SCAPER: variants seen among roughly 807,000 people sequenced by gnomAD.
The protein encoded by SCAPER is S phase cyclin A-associated protein in the endoplasmic reticulum.
A neutral mutation model predicts 182.2 loss-of-function variants in SCAPER; 98 were observed. The ratio of observed to expected loss-of-function variants is 0.54; its 90% CI spans 0.46 to 0.64. The LOEUF (loss-of-function observed/expected upper bound fraction) is 0.64. Among genes scored for constraint, SCAPER ranks in the 30% least tolerant of loss-of-function variants. SCAPER has a pLI of 0.00. For synonymous variants in SCAPER, 605 were observed against 564.6 expected (o/e 1.07, Z -1.01); for missense variants, 1,432 against 1,690.0 (o/e 0.85, Z 2.68).
chr15:76,805,481 T>C (rs952333581), intron 5 of SCAPER, among the ~76,000 whole-genome samples: 1 of 152,026 alleles, frequency 6.6e-6, no homozygotes, highest in African/African-American at 2.4e-5. Context: ...AGTGCTATCA[T>C]TGGGGGTTAT....
intron 22 of SCAPER, among the ~76,000 whole-genome samples, chr15:76,585,360 A>G (rs1266798670): frequency 6.6e-6 from 1 of 152,138 alleles, no homozygotes; most frequent in Non-Finnish European, 1.5e-5. Flanking sequence ...ATGGCAGCAT[A>G]CTTCTTTTAC....
chr15:76,845,899 G>C (rs752567918), intron 4 of SCAPER, among the ~76,000 whole-genome samples: 2 of 151,442 alleles, frequency 1.3e-5, no homozygotes, highest in African/African-American at 4.9e-5. Context: ...TATCCTACAC[G>C]AAAAGAACAA....
At chr15:76,824,332 C>A (rs1205899381) in intron 5 of SCAPER, among the ~76,000 whole-genome samples, 1 of 152,188 alleles carries the variant, frequency 6.6e-6, no homozygotes, top group Non-Finnish European at 1.5e-5. Context: ...TAGTTACTGG[C>A]GCACAGAGCA....
chr15:76,735,668 C>T (rs1278454033), intron 15 of SCAPER, among the ~76,000 whole-genome samples: 1 of 143,150 alleles, frequency 7.0e-6, no homozygotes, highest in Non-Finnish European at 1.5e-5. Context: ...TGCCACTGCA[C>T]TCCAGCCTAG....
intron 21 of SCAPER, among the ~76,000 whole-genome samples, chr15:76,652,629 T>A (rs893084521): frequency 2.0e-5 from 3 of 148,878 alleles, no homozygotes; most frequent in Non-Finnish European, 4.4e-5. Context: ...GAGAATCACT[T>A]AGAGCGGGGA....
chr15:76,775,040 T>C lies in SCAPER; in HGVS notation c.850A>G (p.Lys284Glu), dbSNP rs774524777. ...IRSRSTAVMPKVSLATEATRS... is the reference protein window; with the variant it reads ...IRSRSTAVMPEVSLATEATRS... ...GTGGCTTCTGTTGCCAATGAAACTT[T>C]TGGCATCACTGCTGTTGATCGAGAA... The change falls in exon 9 of 32, where the codon AAA becomes GAA. Residue 284 changes from lysine (K) to glutamate (E), a missense_variant. Around this residue, in one of 5 missense-constraint regions of SCAPER, gnomAD observed 480 missense variants for 510.2 expected, o/e 0.94. Coordinates refer to ENST00000563290, the MANE Select transcript of SCAPER (RefSeq NM_020843.4). The C allele has an allele frequency of 6.2e-7, 1 of 1,613,852 alleles. No homozygotes were observed. The highest frequency in any genetic ancestry group is 2.2e-5 in the East Asian group (1 of 44,874).
chr15:76,805,392 G>A (rs535106048), intron 5 of SCAPER, among the ~76,000 whole-genome samples: 5 of 152,202 alleles, frequency 3.3e-5, no homozygotes, highest in African/African-American at 1.2e-4. Flanking sequence ...CAATTTATGA[G>A]AGTTCCATAT....
chr15:76,456,988 T>C (rs1264004689), intron 25 of SCAPER, among the ~76,000 whole-genome samples: 1 of 152,208 alleles, frequency 6.6e-6, no homozygotes, highest in East Asian at 1.9e-4. Flanking sequence ...TAAATGCATC[T>C]CATGTAGATA....
chr15:76,653,611 G>T (rs2146582806), intron 21 of SCAPER, among the ~76,000 whole-genome samples: 1 of 152,260 alleles, frequency 6.6e-6, no homozygotes, highest in East Asian at 1.9e-4. Flanking sequence ...AATTGGAAAA[G>T]AATTCCCCAT....
chr15:76,396,657 T>C (rs1416521056), intron 27 of SCAPER, among the ~76,000 whole-genome samples: 1 of 152,216 alleles, frequency 6.6e-6, no homozygotes, highest in Non-Finnish European at 1.5e-5. Context: ...TTTCTGGACA[T>C]TGATTTTGTA....
At chr15:76,621,730 G>C in intron 22 of SCAPER, 34 bp downstream of exon 22, 1 of 1,542,240 alleles carries the variant, frequency 6.5e-7, no homozygotes. Flanking sequence ...GGCATAGACT[G>C]AAGAAAAGGA....
intron 23 of SCAPER, among the ~76,000 whole-genome samples, chr15:76,537,972 T>C (rs1033713403): frequency 6.6e-6 from 1 of 151,712 alleles, no homozygotes; most frequent in Non-Finnish European, 1.5e-5. Flanking sequence ...AAAATGCTCA[T>C]CATCACTGGC....
rs188399171 is a variant in SCAPER, at chr15:76,434,448, T to C, written c.3079-138A>G. 2.7e-4 allele frequency: 175 copies of C among 647,218 alleles called. No homozygotes were observed. The Middle Eastern group carries it at 3.4e-3, about 13-fold the overall frequency. The allele number at this position is 647,218 out of a possible 1,614,324, so 40.1% of individuals were successfully genotyped here. A position where few individuals can be genotyped will look rare whatever the true frequency, so the allele number is the denominator to read the frequency against. On this transcript the variant is annotated intron_variant, in intron 25 of 31. Transcript: ENST00000563290. ...AAGAGTGTTGGCTCTGAAATCAGAC[T>C]GCAAGTTCAAATCTGAGCTTTACCC...
At chr15:76,573,129 G>A (rs1046752535) in intron 23 of SCAPER, among the ~76,000 whole-genome samples, 5 of 152,080 alleles carry the variant, frequency 3.3e-5, no homozygotes, top group Admixed American at 2.0e-4. Context: ...AAAGGTCAAA[G>A]CCAAGTAACA....
intron 14 of SCAPER, among the ~76,000 whole-genome samples, chr15:76,759,529 G>A (rs1395069516): frequency 1.3e-5 from 2 of 152,082 alleles, no homozygotes; most frequent in African/African-American, 4.8e-5. Flanking sequence ...TCCTCCTAAA[G>A]AACCCACCTC....
intron 21 of SCAPER, among the ~76,000 whole-genome samples, chr15:76,643,597 G>A (rs371004330): frequency 6.5e-4 from 99 of 152,230 alleles, no homozygotes; most frequent in African/African-American, 2.2e-3. Context: ...CAGGAGAATC[G>A]CTTGAACTCG....
rs533879048 is a variant in SCAPER at position 76,350,297 on chromosome 15, T to G, written c.4099+940A>C. The stretch of plus-strand genomic sequence containing the variant: ...AAAACGTCTTTTTTTTTTCTTTTCA[T>G]GATATTGTAATAGCTTTAGTTATAT... On this transcript the variant is annotated intron_variant, in intron 31 of 31. Transcript: ENST00000563290. The G allele has an allele frequency of 2.0e-5, 3 of 152,116 alleles. No individual in the cohort carries two copies. In the East Asian group the frequency reaches 5.8e-4, roughly 29 times the overall value. 9.4% of individuals were successfully genotyped at this position (152,116 alleles called of 1,614,324 possible). A position where few individuals can be genotyped will look rare whatever the true frequency, so the allele number is the denominator to read the frequency against.
At chr15:76,778,110 A>G (rs1302013390) in intron 8 of SCAPER, among the ~76,000 whole-genome samples, 1 of 152,218 alleles carries the variant, frequency 6.6e-6, no homozygotes, top group East Asian at 1.9e-4. Context: ...CTATCACAGC[A>G]TCATAAAGTT....
rs753735340 is a variant in SCAPER at position 76,755,573 on chromosome 15, C to T, written c.1726-1625G>A. On this transcript the variant is annotated intron_variant, in intron 14 of 31. Coordinates refer to ENST00000563290, the MANE Select transcript of SCAPER (RefSeq NM_020843.4). Reference sequence around the variant, plus strand: ...ATCTTTCAACATGCTGTGTTAGGTACTTGTAGTATGGAGCCTCTGAGATGG... The same window carrying T: ...ATCTTTCAACATGCTGTGTTAGGTATTTGTAGTATGGAGCCTCTGAGATGG... Among the ~76,000 whole-genome samples the T allele has an allele frequency of 2.0e-4, 30 of 152,142 alleles. 1 individual carries two copies. The highest frequency in any genetic ancestry group is 6.5e-4 in the African/African-American group (27 of 41,442).
Sources: gnomAD v4.1 joint callset for allele counts (sites outside exome capture counted in the v4.1 genomes callset) on GRCh38, gnomAD v4.1.1 for gene constraint, gnomAD v4.1.1 regional missense constraint, MANE v1.5 for transcripts, NCBI Gene and HGNC (gene_info 2026-07-23, HGNC 2026-07-21) for gene names.